Variants in ELF1 observed in about 807,000 individuals in gnomAD.
ELF1 encodes ETS-related transcription factor Elf-1.
A neutral mutation model predicts 59.9 loss-of-function variants in ELF1; 24 were observed. The ratio of observed to expected loss-of-function variants is 0.40; its 90% CI spans 0.29 to 0.56. ELF1 has a LOEUF of 0.56. ELF1 is among the 20% of genes least tolerant of loss of function. ELF1 has a pLI of 0.44. For synonymous variants in ELF1, 248 were observed against 266.2 expected, an observed-to-expected ratio of 0.93 and a Z score of 0.67; for missense variants, 627 against 742.2, an observed-to-expected ratio of 0.84 and a Z score of 1.80.
chr13:40,939,712 G>C (rs1386566756), intron 8 of ELF1, among the ~76,000 whole-genome samples: 2 of 152,160 alleles, frequency 1.3e-5, no homozygotes, highest in Non-Finnish European at 2.9e-5. Flanking sequence ...GATGCTCAAA[G>C]GAAATGCTCA....
At chr13:41,032,674 A>G (rs984013628) in intron 1 of ELF1, among the ~76,000 whole-genome samples, 12 of 151,978 alleles carry the variant, frequency 7.9e-5, no homozygotes, top group Non-Finnish European at 1.3e-4. Flanking sequence ...ACACAGTGAG[A>G]CCCTGTCTCT....
At chr13:40,991,385 T>C (rs953733471) in intron 1 of ELF1, among the ~76,000 whole-genome samples, 3 of 152,204 alleles carry the variant, frequency 2.0e-5, no homozygotes, top group African/African-American at 7.2e-5. Context: ...ATAAAACTAC[T>C]CTAAAATTAA....
intron 3 of ELF1, among the ~76,000 whole-genome samples, chr13:40,956,085 A>C (rs1871398243): frequency 6.7e-6 from 1 of 149,878 alleles, no homozygotes; most frequent in East Asian, 2.0e-4. Context: ...TCAACAGCTC[A>C]TTGAGAACGG....
chr13:41,007,212 T>C (rs1874810083), intron 1 of ELF1, among the ~76,000 whole-genome samples: 2 of 152,288 alleles, frequency 1.3e-5, no homozygotes, highest in South Asian at 4.1e-4. Context: ...GTGGAGGTCT[T>C]AGCAGGAAGC....
chr13:40,996,355 C>A (rs555499311), intron 1 of ELF1, among the ~76,000 whole-genome samples: 1 of 152,212 alleles, frequency 6.6e-6, no homozygotes, highest in Non-Finnish European at 1.5e-5. Context: ...AAAACCTGCA[C>A]ATGGATGTTT....
intron 2 of ELF1, among the ~76,000 whole-genome samples, chr13:40,976,584 C>T (rs1872917539): frequency 6.6e-6 from 1 of 152,222 alleles, no homozygotes; most frequent in South Asian, 2.1e-4. Flanking sequence ...TCTTGTTGCC[C>T]AGGCTGGAGT....
chr13:40,988,804 C>CT (rs1321171954), intron 1 of ELF1, among the ~76,000 whole-genome samples: 2 of 151,992 alleles, frequency 1.3e-5, no homozygotes, highest in Non-Finnish European at 2.9e-5. Flanking sequence ...CTCTCTAGTT[C>CT]TTTTTTTTCT....
chr13:41,018,124 C>T (rs1265616364), intron 1 of ELF1, among the ~76,000 whole-genome samples: 1 of 152,136 alleles, frequency 6.6e-6, no homozygotes, highest in East Asian at 1.9e-4. Flanking sequence ...TTTTGGTCAA[C>T]AAGAAATGAT....
intron 1 of ELF1, among the ~76,000 whole-genome samples, chr13:41,031,975 A>C (rs1876183409): frequency 6.6e-6 from 1 of 152,072 alleles, no homozygotes; most frequent in Non-Finnish European, 1.5e-5. Context: ...AAAATGTAGA[A>C]ATACTACACT....
In ELF1 at chr13:40,951,357, A is replaced by G. The variant is rs1593356459; in HGVS notation, c.333T>C (p.Pro111=). 3.7e-6 allele frequency: 6 copies of G among 1,613,270 alleles called. No homozygotes were observed. Among genetic ancestry groups the G allele is most frequent in the Non-Finnish European group, 5.1e-6 (6 of 1,179,434 alleles). Residue 111 remains proline, a synonymous_variant, in exon 4 of 9, where the codon CCT becomes CCC. Transcript: ENST00000239882. ...AAEALLNMDS[P]GPMLDEKRIN... Reference sequence around the variant, plus strand: ...TTCGTTTTTCATCCAGCATAGGGCCAGGGGAATCCATATTGAGGAGTGCCT... The same window carrying G: ...TTCGTTTTTCATCCAGCATAGGGCCGGGGGAATCCATATTGAGGAGTGCCT...
intron 1 of ELF1, among the ~76,000 whole-genome samples, chr13:41,059,663 A>T (rs1877423150): frequency 2.0e-5 from 3 of 152,146 alleles, no homozygotes; most frequent in Admixed American, 6.5e-5. Flanking sequence ...CTATTTTCTA[A>T]TTTCAGCTTG....
chr13:41,040,682 GAGGTGGAGCTCAGAC>G (rs1255156522), intron 1 of ELF1, among the ~76,000 whole-genome samples: 2 of 152,144 alleles, frequency 1.3e-5, no homozygotes, highest in African/African-American at 4.8e-5. Context: ...GATCTGACAG[GAGGTGGAGCTCAGAC>G]AGTAATGCTC....
At chr13:41,046,445 G>A (rs1236348874) in intron 1 of ELF1, among the ~76,000 whole-genome samples, 1 of 152,126 alleles carries the variant, frequency 6.6e-6, no homozygotes, top group Non-Finnish European at 1.5e-5. Context: ...TCCATGTTTA[G>A]TGCTTCCTTC....
chr13:40,949,740 T>C (rs9525435), intron 5 of ELF1, 66 bp downstream of exon 5: 550,903 of 1,552,604 alleles, frequency 0.35, 105,083 homozygotes, highest in Middle Eastern at 0.4. Flanking sequence ...CTATGTAGAA[T>C]AAAAGTGATA....
exon 1 of ELF1, chr13:41,060,934 CCGCCG>C: frequency 2.7e-6 from 1 of 375,608 alleles, no homozygotes; most frequent in Non-Finnish European, 5.3e-6. Context: ...GCCGCCGCCG[CCGCCG>C]CCGCCGCTGC....
At chr13:40,982,478 ATC>A (rs1649610262) in intron 1 of ELF1, among the ~76,000 whole-genome samples, 196 bp from the exon 2 acceptor site, 1 of 151,724 alleles carries the variant, frequency 6.6e-6, no homozygotes, top group South Asian at 2.1e-4. Flanking sequence ...TGCTAAGATC[ATC>A]TGTCACTACT....
In ELF1 at chr13:41,044,036, G is replaced by A. The variant is rs186769226; in HGVS notation, c.-229+16802C>T. Among the ~76,000 whole-genome samples the A allele has an allele frequency of 5.9e-5, 9 of 152,186 alleles. No homozygotes were observed. In the East Asian group the frequency reaches 1.7e-3, roughly 29 times the overall value. On this transcript the variant is annotated intron_variant, in intron 1 of 1. Transcript: ENST00000405737. ...CACATCCCTTAAGTTGGATTCCTAG[G>A]TATTTTATTCTCTTTGAAGCAATTG...
Position 41,037,614 on chromosome 13 carries a change from G to A in ELF1, c.-229+23224C>T, listed in dbSNP as rs543596678. Among the ~76,000 whole-genome samples, 24 of 152,118 alleles carry A rather than the reference G, an allele frequency of 1.6e-4. No homozygotes were observed. In the South Asian group the frequency reaches 5.0e-3, roughly 32 times the overall value. ...GTTTGAGACCAGCCTGGCCAATATG[G>A]TGAAACCTCATCTCTACTAAAAAAT... On this transcript the variant is annotated intron_variant, in intron 1 of 1. Coordinates refer to the ELF1 transcript ENST00000405737.
chr13:40,988,766 T>C (rs903171123), intron 1 of ELF1, among the ~76,000 whole-genome samples: 1 of 152,228 alleles, frequency 6.6e-6, no homozygotes, highest in Non-Finnish European at 1.5e-5. Flanking sequence ...ATTAAAATAC[T>C]TCAAAATAGA....
Sources: gnomAD v4.1 joint callset for allele counts (sites outside exome capture counted in the v4.1 genomes callset) on GRCh38, gnomAD v4.1.1 for gene constraint, MANE v1.5 for transcripts, NCBI Gene and HGNC (gene_info 2026-07-23, HGNC 2026-07-21) for gene names.